PCDH11X: variants seen among roughly 807,000 people sequenced by gnomAD.
PCDH11X encodes protocadherin 11 X-linked.
A neutral mutation model predicts 53.3 loss-of-function variants in PCDH11X; 18 were observed. That is an observed-to-expected ratio of 0.34 (90% CI 0.23 to 0.50). The LOEUF (loss-of-function observed/expected upper bound fraction) is 0.50. PCDH11X is among the 20% of genes least tolerant of loss of function. PCDH11X has a pLI of 0.98. For synonymous variants in PCDH11X, 279 were observed against 393.3 expected (o/e 0.71, Z 3.44); for missense variants, 570 against 1,032.4 (o/e 0.55, Z 6.14).
At chrX:92,561,510 T>A (rs1285005696) in intron 10 of PCDH11X, among the ~76,000 whole-genome samples, 2 of 89,186 alleles carry the variant, frequency 2.2e-5, no homozygotes, top group Admixed American at 1.3e-4. Flanking sequence ...TCAATTGACA[T>A]ACTGAAGAAT....
chrX:92,101,016 G>C (rs1344901083), intron 6 of PCDH11X, among the ~76,000 whole-genome samples: 51 of 111,783 alleles, frequency 4.6e-4, no homozygotes, highest in African/African-American at 1.6e-3. Context: ...AGAATTGGGA[G>C]GACCTAGGAC....
intron 7 of PCDH11X, among the ~76,000 whole-genome samples, chrX:92,244,597 C>T (rs1315207064): frequency 1.8e-5 from 2 of 111,664 alleles, no homozygotes; most frequent in East Asian, 5.6e-4. Flanking sequence ...GTGCTTACTA[C>T]AGGACTGTGT....
At position 92,618,315 on chromosome X, in the gene PCDH11X, C is replaced by T; in HGVS notation, c.3419C>T (p.Thr1140Ile). ...GTGGAAGAGGCCTCTGACAACTGCA[C>T]TCAAGAATGTCTCATCTATGGCCAT... ...PTVEEASDNC[T>I]QECLIYGHSD... Residue 1140 changes from threonine (T) to isoleucine (I), a missense_variant, in exon 11 of 11, where the codon ACT (threonine) becomes ATT (isoleucine). This residue lies in a region of PCDH11X where 234 missense variants were observed against 296.1 expected (regional missense o/e 0.79). Coordinates refer to ENST00000682573, the MANE Select transcript of PCDH11X (RefSeq NM_032968.5). 8.3e-7 allele frequency: 1 copy of T among 1,210,710 alleles called. No individual in the cohort carries two copies. Among genetic ancestry groups the T allele is most frequent in the Non-Finnish European group, 1.1e-6 (1 of 894,803 alleles).
intron 6 of PCDH11X, among the ~76,000 whole-genome samples, chrX:91,949,278 C>A (rs1445410638): frequency 9.2e-6 from 1 of 108,324 alleles, no homozygotes; most frequent in African/African-American, 3.4e-5. Context: ...AAGTACAGGA[C>A]AAGACAAAAA....
intron 7 of PCDH11X, among the ~76,000 whole-genome samples, chrX:92,252,838 C>G (rs1334917290): frequency 9.0e-6 from 1 of 110,559 alleles, no homozygotes; most frequent in Admixed American, 9.7e-5. Context: ...CTTCCACTTT[C>G]GGTTACCTTC....
Position 92,015,361 on chromosome X carries a change from G to A in PCDH11X, c.3033+136088G>A, listed in dbSNP as rs184761545. Among the ~76,000 whole-genome samples the A allele has an allele frequency of 4.0e-3, 448 of 111,842 alleles. 1 individual carries two copies. The highest frequency in any genetic ancestry group is 0.014 in the African/African-American group (428 of 30,799). On this transcript the variant is annotated intron_variant, in intron 6 of 10. Coordinates refer to ENST00000682573, the MANE Select transcript of PCDH11X (RefSeq NM_032968.5). ...TTTCTTAAAAGAAGATCACAGTAAAGTTTGCTACATTGATTGGCTCTTCCT... is the reference window on the plus strand; with the variant it reads ...TTTCTTAAAAGAAGATCACAGTAAAATTTGCTACATTGATTGGCTCTTCCT...
chrX:91,946,275 A>C (rs2061571165), intron 6 of PCDH11X, among the ~76,000 whole-genome samples: 2 of 107,503 alleles, frequency 1.9e-5, no homozygotes, highest in African/African-American at 6.7e-5. Context: ...CTAAATATTA[A>C]ATTTTGCCTT....
intron 6 of PCDH11X, among the ~76,000 whole-genome samples, chrX:92,065,906 T>C (rs2063601173): frequency 9.0e-6 from 1 of 111,479 alleles, no homozygotes; most frequent in Non-Finnish European, 1.9e-5. Context: ...CCTGTGCTTC[T>C]GGGATATGAC....
chrX:91,972,741 C>G (rs1198021254), intron 6 of PCDH11X, among the ~76,000 whole-genome samples: 1 of 109,050 alleles, frequency 9.2e-6, no homozygotes, highest in Non-Finnish European at 1.9e-5. Context: ...TCAGGTTTGT[C>G]AAAGATCAGA....
At chrX:92,548,118 G>T (rs988110791) in intron 10 of PCDH11X, among the ~76,000 whole-genome samples, 1 of 109,868 alleles carries the variant, frequency 9.1e-6, no homozygotes, top group Non-Finnish European at 1.9e-5. Flanking sequence ...TTAAAGGAAA[G>T]AACTCATTCC....
chrX:91,949,379 G>A (rs2571821), intron 6 of PCDH11X, among the ~76,000 whole-genome samples: 7,113 of 109,070 alleles, frequency 0.065, 308 homozygotes, highest in African/African-American at 0.11. Flanking sequence ...AAAAGAAAAT[G>A]CTGTCGCTTC....
At chrX:91,824,021 G>C (rs1273002908) in intron 4 of PCDH11X, among the ~76,000 whole-genome samples, 1 of 111,156 alleles carries the variant, frequency 9.0e-6, no homozygotes, top group African/African-American at 3.3e-5. Context: ...CTTCTGGCTT[G>C]TAGGGTTTCT....
At chrX:92,472,630 TA>T (rs1209236273) in intron 10 of PCDH11X, among the ~76,000 whole-genome samples, 1 of 110,315 alleles carries the variant, frequency 9.1e-6, no homozygotes, top group Admixed American at 9.8e-5. Context: ...AATTTTTAAA[TA>T]TTTTTTTAAA....
intron 7 of PCDH11X, among the ~76,000 whole-genome samples, chrX:92,259,356 A>G (rs780022178): frequency 9.0e-6 from 1 of 111,605 alleles, no homozygotes; most frequent in East Asian, 2.8e-4. Context: ...GCTGTATAGG[A>G]AGCTTAGTGG....
chrX:92,349,437 G>C (rs1407347885), intron 8 of PCDH11X, among the ~76,000 whole-genome samples: 39 of 99,431 alleles, frequency 3.9e-4, no homozygotes, highest in African/African-American at 1.3e-3. Context: ...GACCTCTTCA[G>C]TCATTTCTCA....
intron 10 of PCDH11X, among the ~76,000 whole-genome samples, chrX:92,570,399 A>G (rs1044720645): frequency 8.0e-5 from 9 of 112,056 alleles, no homozygotes; most frequent in African/African-American, 2.6e-4. Flanking sequence ...TTACTTGATC[A>G]TGTTAGTCTA....
At chrX:92,459,891 A>C (rs2072997957) in intron 9 of PCDH11X, 1 of 1,151,769 alleles carries the variant, frequency 8.7e-7, no homozygotes, top group East Asian at 3.0e-5. Context: ...CAGGAATGGG[A>C]GGCATCCAGA....
At chrX:92,033,811 T>C (rs2063088541) in intron 6 of PCDH11X, among the ~76,000 whole-genome samples, 1 of 110,734 alleles carries the variant, frequency 9.0e-6, no homozygotes, top group Admixed American at 9.7e-5. Context: ...CTCTTGTTTT[T>C]CCAGTTTTTT....
chrX:92,243,648 C>T (rs2067300614), intron 7 of PCDH11X, among the ~76,000 whole-genome samples: 1 of 110,738 alleles, frequency 9.0e-6, no homozygotes, highest in Non-Finnish European at 1.9e-5. Flanking sequence ...CTAAAGATGC[C>T]TTAGTAGTGG....
Sources: gnomAD v4.1 joint callset for allele counts (sites outside exome capture counted in the v4.1 genomes callset) on GRCh38, gnomAD v4.1.1 for gene constraint, gnomAD v4.1.1 regional missense constraint, MANE v1.5 for transcripts, NCBI Gene and HGNC (gene_info 2026-07-23, HGNC 2026-07-21) for gene names.